PCDH9: variants seen among roughly 807,000 people sequenced by gnomAD.
The protein encoded by PCDH9 is protocadherin-9.
A neutral mutation model predicts 70.6 loss-of-function variants in PCDH9; 24 were observed. The observed-to-expected ratio is 0.34, with a 90% CI of 0.25 to 0.48. The LOEUF is 0.48. PCDH9 is among the 20% of genes least tolerant of loss of function. The probability of loss-of-function intolerance (pLI) is 0.99; values close to 1 mark genes in which losing one functional copy is unlikely to be tolerated. For missense variants in PCDH9, 1,281 were observed against 1,503.6 expected, an observed-to-expected ratio of 0.85 and a Z score of 2.45; for synonymous variants, 562 against 558.5, an observed-to-expected ratio of 1.01 and a Z score of -0.09.
At chr13:66,980,730 G>GTTTTTTTTGTTT (rs2083730608) in intron 2 of PCDH9, among the ~76,000 whole-genome samples, 1 of 70,872 alleles carries the variant, frequency 1.4e-5, no homozygotes. Flanking sequence ...TTTTTTCTTT[G>GTTTTTTTTGTTT]TTTTTTTTTT....
At chr13:66,840,852 G>A (rs1223123837) in intron 3 of PCDH9, among the ~76,000 whole-genome samples, 3 of 152,178 alleles carry the variant, frequency 2.0e-5, no homozygotes. Context: ...CCCGAAGGGA[G>A]GTGCAAGAAC....
intron 3 of PCDH9, among the ~76,000 whole-genome samples, chr13:66,823,861 G>A (rs986380345): frequency 6.6e-6 from 1 of 152,038 alleles, no homozygotes; most frequent in African/African-American, 2.4e-5. Context: ...CACTATATTA[G>A]TTAGTAAAAA....
intron 2 of PCDH9, among the ~76,000 whole-genome samples, chr13:66,906,399 C>A (rs1261804406): frequency 6.6e-6 from 1 of 152,164 alleles, no homozygotes; most frequent in African/African-American, 2.4e-5. Flanking sequence ...TTCAATAGCA[C>A]AACATATAGT....
intron 3 of PCDH9, among the ~76,000 whole-genome samples, chr13:66,874,914 A>AGTGTGTGTGTGTGTGT (rs36045690): frequency 4.4e-4 from 61 of 137,456 alleles, no homozygotes; most frequent in African/African-American, 1.5e-3. Flanking sequence ...CAAAAGCAGC[A>AGTGTGTGTGTGTGTGT]GTGTGTGTGT....
chr13:66,343,459 T>C lies in PCDH9; in HGVS notation c.3341-38431A>G, dbSNP rs1186838669. ...AAGGCTGAGGTCCCTGTTTCCTTGCTCTTGTTGGCTGTCAGCTGGGAACCA... is the reference window on the plus strand; with the variant it reads ...AAGGCTGAGGTCCCTGTTTCCTTGCCCTTGTTGGCTGTCAGCTGGGAACCA... On this transcript the variant is annotated intron_variant, in intron 4 of 4. Coordinates refer to ENST00000377865, the MANE Select transcript of PCDH9 (RefSeq NM_203487.3). Among the ~76,000 whole-genome samples the C allele has an allele frequency of 2.6e-5, 4 of 152,318 alleles. No homozygotes were observed. The East Asian group carries it at 7.7e-4, about 29-fold the overall frequency.
chr13:66,932,621 T>C (rs1404865238), intron 2 of PCDH9, among the ~76,000 whole-genome samples: 1 of 149,274 alleles, frequency 6.7e-6, no homozygotes, highest in Non-Finnish European at 1.5e-5. Context: ...AAAAAAAAAC[T>C]TTTTATTTTT....
chr13:66,718,038 T>A (rs1004345148), intron 3 of PCDH9, among the ~76,000 whole-genome samples: 1 of 152,102 alleles, frequency 6.6e-6, no homozygotes, highest in Non-Finnish European at 1.5e-5. Flanking sequence ...TGAAAAAGGG[T>A]ACATTGATTT....
chr13:66,538,357 A>G (rs12868964), intron 4 of PCDH9, among the ~76,000 whole-genome samples: 35,949 of 152,166 alleles, frequency 0.24, 4,729 homozygotes, highest in South Asian at 0.34. Flanking sequence ...CCACAACTAG[A>G]AAGTTCGAGG....
intron 2 of PCDH9, among the ~76,000 whole-genome samples, chr13:66,907,334 T>C (rs1487164283): frequency 6.6e-6 from 1 of 152,200 alleles, no homozygotes; most frequent in Non-Finnish European, 1.5e-5. Flanking sequence ...CAGATTTATA[T>C]TGGGGGGTAC....
At position 66,321,752 on chromosome 13, in the gene PCDH9, T is replaced by A. The variant is rs1955759691; in HGVS notation, c.3341-16724A>T. Among the ~76,000 whole-genome samples the A allele has an allele frequency of 1.3e-5, 2 of 152,008 alleles. 1 individual carries two copies. Among genetic ancestry groups the A allele is most frequent in the South Asian group, 4.1e-4 (2 of 4,828 alleles). On this transcript the variant is annotated intron_variant, in intron 4 of 4. Transcript: ENST00000377865. Reference sequence around the variant, plus strand: ...CCAAAAGATGAGCAAACCCTGTGTTTTCTAATCCCCTATAAGAGTTAAAGT... The same window carrying A: ...CCAAAAGATGAGCAAACCCTGTGTTATCTAATCCCCTATAAGAGTTAAAGT...
chr13:67,032,529 G>C (rs928820722), intron 2 of PCDH9, among the ~76,000 whole-genome samples: 1 of 152,028 alleles, frequency 6.6e-6, no homozygotes, highest in Non-Finnish European at 1.5e-5. Flanking sequence ...GTGTAGAATT[G>C]TTTGCATTTA....
At chr13:66,322,331 GT>G in intron 4 of PCDH9, among the ~76,000 whole-genome samples, 1 of 151,994 alleles carries the variant, frequency 6.6e-6, no homozygotes, top group South Asian at 2.1e-4. Context: ...AGTATTGATT[GT>G]GAAAATGGCC....
Position 67,023,739 on chromosome 13 carries a change from G to GACT in PCDH9, c.3037-120137_3037-120135dup, listed in dbSNP as rs34806165. ...ACCACAGACCACAGGTTGTTGCCAT[G>GACT]ACTACAAGCAACCAACAGGAAGAAA... On this transcript the variant is annotated intron_variant, in intron 2 of 4. Transcript: ENST00000377865. 8.1e-3 allele frequency among the ~76,000 whole-genome samples: 1,228 copies of GACT among 152,178 alleles called. 10 individuals are homozygous for GACT. Among genetic ancestry groups the GACT allele is most frequent in the Middle Eastern group, 0.014 (4 of 294 alleles).
At chr13:67,113,340 G>A (rs1165420522) in intron 2 of PCDH9, among the ~76,000 whole-genome samples, 1 of 152,048 alleles carries the variant, frequency 6.6e-6, no homozygotes, top group East Asian at 1.9e-4. Context: ...CCCTAGAAAA[G>A]GGCAAAGAAA....
At chr13:66,397,858 G>A (rs984668736) in intron 4 of PCDH9, among the ~76,000 whole-genome samples, 1 of 151,742 alleles carries the variant, frequency 6.6e-6, no homozygotes, top group African/African-American at 2.4e-5. Context: ...AATTATTGGT[G>A]TGAAGTAACT....
chr13:66,946,716 T>G (rs1393893539), intron 2 of PCDH9, among the ~76,000 whole-genome samples: 1 of 152,008 alleles, frequency 6.6e-6, no homozygotes. Context: ...AAAACTATCT[T>G]TTCACCTATT....
intron 4 of PCDH9, among the ~76,000 whole-genome samples, chr13:66,460,130 TATAAAAC>T (rs150422652): frequency 0.015 from 2,284 of 152,006 alleles, 70 homozygotes; most frequent in African/African-American, 0.053. Context: ...CATGCAGAGA[TATAAAAC>T]ATAAACATTA....
intron 3 of PCDH9, among the ~76,000 whole-genome samples, chr13:66,866,418 C>T (rs969045778): frequency 7.9e-5 from 12 of 151,812 alleles, no homozygotes; most frequent in African/African-American, 2.7e-4. Context: ...GGAGGCAGAG[C>T]TTGCAGTGAG....
chr13:66,779,744 C>T (rs9599144), intron 3 of PCDH9, among the ~76,000 whole-genome samples: 75,860 of 150,714 alleles, frequency 0.5, 21,407 homozygotes, highest in Middle Eastern at 0.64. Flanking sequence ...TCACTTGAAC[C>T]TGGGAGGCGG....
Sources: allele counts gnomAD v4.1 joint callset (sites outside exome capture counted in the v4.1 genomes callset), GRCh38; gene constraint gnomAD v4.1.1; transcripts MANE v1.5; gene names NCBI Gene and HGNC (gene_info 2026-07-23, HGNC 2026-07-21).